The following KIAA1217 variants were observed in gnomAD, a reference collection of about 807,000 sequenced individuals.
The protein encoded by KIAA1217 is KIAA1217.
A neutral mutation model predicts 163.9 loss-of-function variants in KIAA1217; 88 were observed. The observed-to-expected ratio is 0.54, with a 90% CI of 0.45 to 0.64. The LOEUF (loss-of-function observed/expected upper bound fraction) is 0.64. KIAA1217 is among the 30% of genes least tolerant of loss of function. The pLI is 0.00. For missense variants in KIAA1217, 2,372 were observed against 2,475.0 expected (o/e 0.96, Z 0.88); for synonymous variants, 903 against 923.1 (o/e 0.98, Z 0.39).
chr10:24,157,033 G>A (rs1358105139), intron 2 of KIAA1217, among the ~76,000 whole-genome samples: 1 of 152,180 alleles, frequency 6.6e-6, no homozygotes, highest in Non-Finnish European at 1.5e-5. Context: ...AATCCTAGGA[G>A]TGGAATTGCT....
intron 5 of KIAA1217, among the ~76,000 whole-genome samples, chr10:24,463,672 G>C (rs770912743): frequency 1.3e-5 from 2 of 152,180 alleles, no homozygotes; most frequent in African/African-American, 2.4e-5. Context: ...ATGAAGAAAT[G>C]AATATGAAAG....
At chr10:24,516,717 T>C (rs928694104) in intron 10 of KIAA1217, among the ~76,000 whole-genome samples, 1 of 152,170 alleles carries the variant, frequency 6.6e-6, no homozygotes, top group East Asian at 1.9e-4. Flanking sequence ...TAGGAGACCA[T>C]ATGGGAAGCT....
chr10:23,760,819 C>T (rs1024184593), intron 1 of KIAA1217, among the ~76,000 whole-genome samples: 13 of 151,976 alleles, frequency 8.6e-5, no homozygotes, highest in Admixed American at 5.9e-4. Context: ...TATCAGCATA[C>T]GTTTATGTTG....
chr10:23,778,222 G>A (rs981663780), intron 1 of KIAA1217, among the ~76,000 whole-genome samples: 2 of 152,168 alleles, frequency 1.3e-5, no homozygotes, highest in African/African-American at 2.4e-5. Context: ...TTACAGGTGT[G>A]AGCCACCATG....
At chr10:23,897,231 G>A (rs1399062665) in intron 1 of KIAA1217, among the ~76,000 whole-genome samples, 1 of 152,016 alleles carries the variant, frequency 6.6e-6, no homozygotes, top group Non-Finnish European at 1.5e-5. Flanking sequence ...AGTTGGGCAT[G>A]TGATCTTGGG....
At chr10:24,321,282 C>G (rs895167312) in intron 2 of KIAA1217, among the ~76,000 whole-genome samples, 18 of 152,196 alleles carry the variant, frequency 1.2e-4, no homozygotes, top group African/African-American at 4.3e-4. Context: ...GCCTGTAATC[C>G]CAGCACTATG....
Position 24,456,745 on chromosome 10 carries a change from C to T in KIAA1217, c.847-16483C>T, listed in dbSNP as rs143391239. 9.0e-3 allele frequency among the ~76,000 whole-genome samples: 1,360 copies of T among 151,570 alleles called. 12 individuals carry two copies. Among genetic ancestry groups the T allele is most frequent in the African/African-American group, 0.031 (1,267 of 41,256 alleles). The stretch of plus-strand genomic sequence containing the variant: ...TGAGACAGAGTCTCGCTCTGTCCCC[C>T]AGGCTGGAGTGCAATGGTGTGATCT... On this transcript the variant is annotated intron_variant, in intron 5 of 20. Coordinates refer to ENST00000376454, the MANE Select transcript of KIAA1217 (RefSeq NM_019590.5).
chr10:24,185,886 C>A (rs562960248), intron 2 of KIAA1217, among the ~76,000 whole-genome samples: 1 of 151,858 alleles, frequency 6.6e-6, no homozygotes, highest in African/African-American at 2.4e-5. Flanking sequence ...ATCGCTGGAA[C>A]CTGGGAGGCA....
intron 2 of KIAA1217, among the ~76,000 whole-genome samples, chr10:24,246,463 ACACT>A (rs1048346508): frequency 1.8e-4 from 28 of 152,194 alleles, no homozygotes; most frequent in Non-Finnish European, 7.3e-5. Context: ...TTTCTCAAAA[ACACT>A]CAGTTTATTC....
At chr10:24,306,923 T>C (rs968435721) in intron 2 of KIAA1217, among the ~76,000 whole-genome samples, 2 of 152,256 alleles carry the variant, frequency 1.3e-5, no homozygotes, top group African/African-American at 4.8e-5. Context: ...TACTTGTCTA[T>C]TGTTCATTCA....
At chr10:23,709,462 G>A (rs1160125182) in intron 1 of KIAA1217, among the ~76,000 whole-genome samples, 1 of 151,864 alleles carries the variant, frequency 6.6e-6, no homozygotes, top group East Asian at 1.9e-4. Flanking sequence ...CCAGGAGGAT[G>A]AGGCTGCAGT....
intron 1 of KIAA1217, among the ~76,000 whole-genome samples, chr10:23,992,261 A>T (rs1846250639): frequency 6.6e-6 from 1 of 152,256 alleles, no homozygotes. Flanking sequence ...GGAAAAACTC[A>T]CTAAGTGAAG....
intron 2 of KIAA1217, among the ~76,000 whole-genome samples, chr10:24,193,223 C>T (rs1017183778): frequency 2.0e-5 from 3 of 152,192 alleles, no homozygotes; most frequent in African/African-American, 4.8e-5. Flanking sequence ...CCACACCTAA[C>T]CTAAGCTTAC....
At chr10:24,449,267 C>G (rs2061207963) in intron 5 of KIAA1217, among the ~76,000 whole-genome samples, 1 of 151,954 alleles carries the variant, frequency 6.6e-6, no homozygotes, top group African/African-American at 2.4e-5. Context: ...TATGCAACTT[C>G]CAAGTGATAC....
At chr10:24,233,997 A>G (rs1004317647) in intron 2 of KIAA1217, among the ~76,000 whole-genome samples, 4 of 152,114 alleles carry the variant, frequency 2.6e-5, no homozygotes, top group African/African-American at 9.7e-5. Context: ...CATTCTGTTT[A>G]GTGTCTGTTA....
chr10:24,211,615 G>T (rs1411799817), intron 1 of KIAA1217, among the ~76,000 whole-genome samples: 1 of 149,052 alleles, frequency 6.7e-6, no homozygotes, highest in African/African-American at 2.5e-5. Flanking sequence ...TTAGAGAAGG[G>T]GTCTTGCTAT....
rs189015866 is a variant in KIAA1217, at chr10:24,448,007, A to G, written c.846+9528A>G. On this transcript the variant is annotated intron_variant, in intron 5 of 20. Transcript: ENST00000376454. The stretch of plus-strand genomic sequence containing the variant: ...TAGCTGGGTGTGGTGGCGCGTGCCT[A>G]TAGTCCCAGCTACTCAGGAGGCTGA... Among the ~76,000 whole-genome samples, 354 of 152,010 alleles carry G rather than the reference A, an allele frequency of 2.3e-3. 1 individual carries two copies. Among genetic ancestry groups the G allele is most frequent in the African/African-American group, 8.1e-3 (334 of 41,468 alleles).
rs769466184 is a variant in KIAA1217 at position 24,473,559 on chromosome 10, A to C, written c.1178A>C (p.Tyr393Ser). Residue 393 changes from tyrosine (Y) to serine (S), a missense_variant, in exon 6 of 21, where the codon TAT (tyrosine) becomes TCT (serine). Physicochemically the swap from Tyr to Ser is moderately radical, Grantham distance 144. Transcript: ENST00000376454. ...NIAMYRNEGF[Y>S]ADPYLYHEGR... ...GCAATGTACAGAAATGAGGGTTTCT[A>C]TGCTGATCCTTACCTTTATCACGAG... 1.2e-6 allele frequency: 2 copies of C among 1,614,210 alleles called. No individual in the cohort carries two copies. Among genetic ancestry groups the C allele is most frequent in the South Asian group, 2.2e-5 (2 of 91,086 alleles).
rs77477378 is a variant in KIAA1217, at chr10:24,519,739, C to G, written c.2178-384C>G. ...CTTCTTGTTTTACTGCACCGCAGGTCGGTCTCCCTCTCTCTCTCTTTCTCT... is the reference window on the plus strand; with the variant it reads ...CTTCTTGTTTTACTGCACCGCAGGTGGGTCTCCCTCTCTCTCTCTTTCTCT... On this transcript the variant is annotated intron_variant, in intron 10 of 20. Transcript: ENST00000376454. Among the ~76,000 whole-genome samples the G allele has an allele frequency of 7.4e-3, 1,125 of 152,180 alleles. 7 individuals are homozygous for G. The highest frequency in any genetic ancestry group is 0.017 in the African/African-American group (689 of 41,494).
Sources: allele counts gnomAD v4.1 joint callset (sites outside exome capture counted in the v4.1 genomes callset), GRCh38; gene constraint gnomAD v4.1.1; transcripts MANE v1.5; gene names NCBI Gene and HGNC (gene_info 2026-07-23, HGNC 2026-07-21).